The following CPNE8 variants were observed in gnomAD, a reference collection of about 807,000 sequenced individuals.
CPNE8 encodes copine-8.
In CPNE8, 45 loss-of-function variants were observed where a neutral mutation model predicts 81.5. The observed-to-expected ratio is 0.55, with a 90% confidence interval of 0.44 to 0.71. CPNE8 has a LOEUF of 0.71. Ranked by LOEUF, CPNE8 falls within the 30% of genes least tolerant of loss-of-function variation. The pLI, the probability that CPNE8 is intolerant of heterozygous loss-of-function variation, is 0.00. For missense variants in CPNE8, 594 were observed against 672.1 expected (o/e 0.88, Z 1.28); for synonymous variants, 252 against 226.3 (o/e 1.11, Z -1.02).
chr12:38,896,199 A>G (rs898003090), intron 1 of CPNE8, among the ~76,000 whole-genome samples: 2 of 152,160 alleles, frequency 1.3e-5, no homozygotes, highest in African/African-American at 4.8e-5. Flanking sequence ...GGGGACTATC[A>G]GTGATATTTT....
In CPNE8 at chr12:38,879,411, C is replaced by A. The variant is rs151304874; in HGVS notation, c.99-4900G>T. Among the ~76,000 whole-genome samples the A allele has an allele frequency of 9.3e-3, 1,414 of 152,054 alleles. 19 individuals are homozygous for A. Among genetic ancestry groups the A allele is most frequent in the South Asian group, 0.038 (184 of 4,798 alleles). The stretch of plus-strand genomic sequence containing the variant: ...ATTTTCATGGCCATGGGACAAGGAC[C>A]CTGTCTTTAGCCAAACTAAGGAAAA... On this transcript the variant is annotated intron_variant, in intron 1 of 19. Transcript: ENST00000331366.
chr12:38,820,327 C>T (rs937533855), intron 6 of CPNE8, among the ~76,000 whole-genome samples: 1 of 151,858 alleles, frequency 6.6e-6, no homozygotes, highest in African/African-American at 2.4e-5. Flanking sequence ...ATTGCTTGAA[C>T]CCGGGAGGCA....
chr12:38,668,907 A>AG (rs1462236598), intron 19 of CPNE8, among the ~76,000 whole-genome samples: 1 of 152,074 alleles, frequency 6.6e-6, no homozygotes, highest in African/African-American at 2.4e-5. Context: ...AAAAAAAATT[A>AG]GCTGGGCATG....
In CPNE8 at chr12:38,722,539, T is replaced by C. The variant is rs540305498; in HGVS notation, c.914+1233A>G. ...TGAGGACATTCTATCAGTGTCTTTA[T>C]GGGGTGGCAGGGGGCTGTTGCTGAA... On this transcript the variant is annotated intron_variant, in intron 13 of 19. Transcript: ENST00000331366. Among the ~76,000 whole-genome samples, 261 of 152,238 alleles carry C rather than the reference T, an allele frequency of 1.7e-3. 3 individuals carry two copies. Among genetic ancestry groups the C allele is most frequent in the Middle Eastern group, 0.01 (3 of 294 alleles).
intron 1 of CPNE8, among the ~76,000 whole-genome samples, chr12:38,876,441 G>A (rs1246275818): frequency 6.6e-6 from 1 of 152,040 alleles, no homozygotes; most frequent in Non-Finnish European, 1.5e-5. Flanking sequence ...TCAAACTCCC[G>A]ACCTCAGGTG....
chr12:38,736,017 T>C (rs901264855), intron 10 of CPNE8, among the ~76,000 whole-genome samples: 1 of 151,888 alleles, frequency 6.6e-6, no homozygotes, highest in Non-Finnish European at 1.5e-5. Context: ...ATTACAATAG[T>C]ACTCTGGGCC....
chr12:38,688,864 G>A (rs1028424272), intron 15 of CPNE8, among the ~76,000 whole-genome samples: 5 of 152,116 alleles, frequency 3.3e-5, no homozygotes, highest in Admixed American at 2.6e-4. Context: ...AGTGACCACT[G>A]CTCAGGTGAT....
chr12:38,675,789 T>C lies in CPNE8; in HGVS notation c.1375-15A>G, dbSNP rs1939274857. 1.3e-6 allele frequency: 2 copies of C among 1,524,810 alleles called. No homozygotes were observed. The highest frequency in any genetic ancestry group is 2.3e-5 in the East Asian group (1 of 44,330). The allele number at this position is 1,524,810 out of a possible 1,614,324, so 94.5% of individuals were successfully genotyped here. On this transcript the variant is annotated splice_polypyrimidine_tract_variant and intron_variant, in intron 17 of 19. Transcript: ENST00000331366. ...AGTTTTGAGGCCTTCAAAGAGAATATACAATTAGGTTTCAATTAAGAAATT... is the reference window on the plus strand; with the variant it reads ...AGTTTTGAGGCCTTCAAAGAGAATACACAATTAGGTTTCAATTAAGAAATT...
chr12:38,688,649 A>G (rs951611775), intron 15 of CPNE8, among the ~76,000 whole-genome samples: 1 of 151,928 alleles, frequency 6.6e-6, no homozygotes, highest in East Asian at 1.9e-4. Context: ...CAACCATAAA[A>G]AGGAATGGAA....
Position 38,900,243 on chromosome 12 carries a change from T to G in CPNE8, c.98+5194A>C, listed in dbSNP as rs940273258. Reference sequence around the variant, plus strand: ...GTCACTTACTCATGAAACCAAGAGATGAAAATAATTAGTGTGTATAACCAG... The same window carrying G: ...GTCACTTACTCATGAAACCAAGAGAGGAAAATAATTAGTGTGTATAACCAG... On this transcript the variant is annotated intron_variant, in intron 1 of 19. Coordinates refer to ENST00000331366, the MANE Select transcript of CPNE8 (RefSeq NM_153634.3). 2.0e-5 allele frequency among the ~76,000 whole-genome samples: 3 copies of G among 152,038 alleles called. 1 individual carries two copies. Among genetic ancestry groups the G allele is most frequent in the Admixed American group, 2.0e-4 (3 of 15,258 alleles).
At chr12:38,745,322 C>T (rs1429343613) in intron 10 of CPNE8, among the ~76,000 whole-genome samples, 6 of 152,180 alleles carry the variant, frequency 3.9e-5, no homozygotes, top group Non-Finnish European at 7.3e-5. Context: ...GTGAACTTAT[C>T]CTTTCCTGAA....
Position 38,762,221 on chromosome 12 carries a change from A to T in CPNE8, c.576-5T>A. On this transcript the variant is annotated splice_region_variant and splice_polypyrimidine_tract_variant and intron_variant, in intron 8 of 19. Coordinates refer to ENST00000331366, the MANE Select transcript of CPNE8 (RefSeq NM_153634.3). ...GTCTTGTGACAAATTGTAAAACTATAAAGAAAGAGTTTTCAGTTATTTGCA... is the reference window on the plus strand; with the variant it reads ...GTCTTGTGACAAATTGTAAAACTATTAAGAAAGAGTTTTCAGTTATTTGCA... The T allele has an allele frequency of 2.0e-6, 3 of 1,511,068 alleles. No individual in the cohort carries two copies. The highest frequency in any genetic ancestry group is 2.7e-6 in the Non-Finnish European group (3 of 1,101,864). The allele number at this position is 1,511,068 out of a possible 1,614,324, so 93.6% of individuals were successfully genotyped here.
In CPNE8 at chr12:38,703,568, A is replaced by G. The variant is rs189326680; in HGVS notation, c.915-647T>C. On this transcript the variant is annotated intron_variant, in intron 13 of 19. Coordinates refer to ENST00000331366, the MANE Select transcript of CPNE8 (RefSeq NM_153634.3). ...GAACAAGTCAAGGATGCCCACTCTC[A>G]CCACTCCTATTCCACATAGTATTGG... 2.5e-4 allele frequency among the ~76,000 whole-genome samples: 38 copies of G among 152,252 alleles called. No individual in the cohort carries two copies. The East Asian group carries it at 6.8e-3, about 27-fold the overall frequency.
At chr12:38,820,956 A>G (rs922905944) in intron 6 of CPNE8, among the ~76,000 whole-genome samples, 1 of 152,192 alleles carries the variant, frequency 6.6e-6, no homozygotes, top group Admixed American at 6.6e-5. Context: ...TCAACCTTTC[A>G]CCAATCCTTG....
At chr12:38,781,188 T>C (rs954838160) in intron 6 of CPNE8, among the ~76,000 whole-genome samples, 3 of 151,914 alleles carry the variant, frequency 2.0e-5, no homozygotes, top group African/African-American at 4.8e-5. Context: ...GAAAAGAAAA[T>C]TTTTGAAATT....
In CPNE8 at chr12:38,767,711, T is replaced by C; in HGVS notation, c.499A>G (p.Asn167Asp). The change falls in exon 8 of 20, where the codon AAC (asparagine) becomes GAC (aspartate). Residue 167 changes from asparagine to aspartate, a missense_variant. Coordinates refer to ENST00000331366, the MANE Select transcript of CPNE8 (RefSeq NM_153634.3). The stretch of plus-strand genomic sequence containing the variant: ...AAGAAGTCCTTCTTGTCCAATTTGT[T>C]CGCACAAAATTGCATCAAAACGGCA... The part of the protein sequence containing the change: ...RDAVLMQFCA[N>D]KLDKKDFFGK... The C allele has an allele frequency of 6.4e-7, 1 of 1,555,070 alleles. No homozygotes were observed. The highest frequency in any genetic ancestry group is 8.6e-7 in the Non-Finnish European group (1 of 1,156,510).
chr12:38,688,263 T>A (rs1939580499), intron 15 of CPNE8, among the ~76,000 whole-genome samples: 1 of 152,194 alleles, frequency 6.6e-6, no homozygotes, highest in Non-Finnish European at 1.5e-5. Flanking sequence ...TCATTAGATG[T>A]TCTATTCATC....
At chr12:38,806,461 T>C (rs1436706844) in intron 6 of CPNE8, among the ~76,000 whole-genome samples, 1 of 149,878 alleles carries the variant, frequency 6.7e-6, no homozygotes, top group African/African-American at 2.4e-5. Context: ...TGCAAATCAA[T>C]AAATGTAATC....
chr12:38,716,106 C>G (rs1940383374), intron 13 of CPNE8, among the ~76,000 whole-genome samples: 1 of 151,986 alleles, frequency 6.6e-6, no homozygotes, highest in African/African-American at 2.4e-5. Flanking sequence ...AGAAAAAGAT[C>G]TCCACAAGAA....
Sources: allele counts gnomAD v4.1 joint callset (sites outside exome capture counted in the v4.1 genomes callset), GRCh38; gene constraint gnomAD v4.1.1; transcripts MANE v1.5; gene names NCBI Gene and HGNC (gene_info 2026-07-23, HGNC 2026-07-21).